ABCG2: variants seen among roughly 807,000 people sequenced by gnomAD.
ABCG2 encodes the protein ATP binding cassette subfamily G member 2 (JR blood group), also known as broad substrate specificity ATP-binding cassette transporter ABCG2.
Under a neutral mutation model 73.5 loss-of-function variants are expected in ABCG2, and 80 were observed. That is an observed-to-expected ratio of 1.09 (90% confidence interval 0.91 to 1.31). The LOEUF is 1.31. ABCG2 is among the 50% of genes most tolerant of loss of function. The probability of loss-of-function intolerance (pLI) is 0.00; values close to 1 mark genes in which losing one functional copy is unlikely to be tolerated. For missense variants in ABCG2, 796 were observed against 786.2 expected (o/e 1.01, Z -0.15); for synonymous variants, 269 against 282.4 (o/e 0.95, Z 0.48).
chr4:88,165,168 A>G (rs1216173738), intron 1 of ABCG2, among the ~76,000 whole-genome samples: 3 of 152,326 alleles, frequency 2.0e-5, no homozygotes, highest in East Asian at 3.9e-4. Flanking sequence ...TGCTGAGGGT[A>G]TGGGTGTGAA....
chr4:88,103,970 C>T (rs531068672), intron 10 of ABCG2, among the ~76,000 whole-genome samples: 1 of 152,310 alleles, frequency 6.6e-6, no homozygotes, highest in South Asian at 2.1e-4. Flanking sequence ...CGGGTGATTC[C>T]GTATCTTGGC....
rs191389789 is a variant in ABCG2 at position 88,139,932 on chromosome 4, C to T, written c.64G>A (p.Ala22Thr). The T allele has an allele frequency of 1.5e-5, 25 of 1,614,080 alleles. No individual in the cohort carries two copies. Among genetic ancestry groups the T allele is most frequent in the Admixed American group, 6.7e-5 (4 of 60,012 alleles). Residue 22 changes from alanine (A) to threonine (T), a missense_variant, in exon 2 of 16, where the codon GCG becomes ACG. By Grantham distance (58) the Ala-to-Thr change is moderately conservative (BLOSUM62 0). Coordinates refer to ENST00000237612, the MANE Select transcript of ABCG2 (RefSeq NM_004827.3). Reference sequence around the variant, plus strand: ...GCCTTCAGGTCATTGGAAGCTGTCGCGGGGAAGCCATTGGTGTTTCCTTGT... The same window carrying T: ...GCCTTCAGGTCATTGGAAGCTGTCGTGGGGAAGCCATTGGTGTTTCCTTGT... ...VSQGNTNGFP[A>T]TASNDLKAFT...
At chr4:88,223,300 A>G (rs1730080053) in intron 1 of ABCG2, among the ~76,000 whole-genome samples, 1 of 152,176 alleles carries the variant, frequency 6.6e-6, no homozygotes, top group African/African-American at 2.4e-5. Context: ...GAGGAATCAT[A>G]TGGTTTGGCT....
chr4:88,137,788 A>C (rs1322856843), intron 2 of ABCG2, among the ~76,000 whole-genome samples: 1 of 152,232 alleles, frequency 6.6e-6, no homozygotes, highest in Non-Finnish European at 1.5e-5. Flanking sequence ...GAAGAGACAA[A>C]GTGATGAGAA....
intron 1 of ABCG2, among the ~76,000 whole-genome samples, chr4:88,230,315 TTTTG>T (rs1730412149): frequency 4.7e-5 from 1 of 21,154 alleles, no homozygotes; most frequent in Non-Finnish European, 6.9e-5. Flanking sequence ...ATATTTTTTT[TTTTG>T]GCCACATATA....
chr4:88,110,367 A>G (rs11943824), intron 9 of ABCG2, among the ~76,000 whole-genome samples: 11,509 of 151,928 alleles, frequency 0.076, 831 homozygotes, highest in East Asian at 0.31. Flanking sequence ...ACATGGTGCG[A>G]CCCTGTCTAT....
intron 13 of ABCG2, 84 bp from the exon 14 acceptor site, chr4:88,095,693 C>G (rs151141886): frequency 9.3e-7 from 1 of 1,072,016 alleles, no homozygotes; most frequent in Non-Finnish European, 1.4e-6. Context: ...AAGTCCCTAC[C>G]ACTTTGTAAG....
chr4:88,214,027 G>T (rs1409939531), intron 1 of ABCG2, among the ~76,000 whole-genome samples: 1 of 110,068 alleles, frequency 9.1e-6, no homozygotes, highest in Non-Finnish European at 1.7e-5. Flanking sequence ...TCATTCTGTC[G>T]CCCAGGTTAG....
chr4:88,185,771 C>T (rs1337939525), intron 1 of ABCG2, among the ~76,000 whole-genome samples: 1 of 152,100 alleles, frequency 6.6e-6, no homozygotes, highest in East Asian at 1.9e-4. Flanking sequence ...TATCATTAAT[C>T]AGAGAAATGC....
At chr4:88,154,812 A>C (rs941123519) in intron 1 of ABCG2, among the ~76,000 whole-genome samples, 1 of 152,308 alleles carries the variant, frequency 6.6e-6, no homozygotes, top group Middle Eastern at 3.4e-3. Context: ...AGGTGTGAGG[A>C]AGAAAATAGA....
At chr4:88,113,806 C>T (rs1723322328) in intron 8 of ABCG2, among the ~76,000 whole-genome samples, 1 of 150,650 alleles carries the variant, frequency 6.6e-6, no homozygotes, top group Non-Finnish European at 1.5e-5. Flanking sequence ...ACTGAAAATA[C>T]AAAAAAAATT....
upstream of ABCG2, chr4:88,158,974 G>A (rs1348172120): frequency 1.7e-5 from 6 of 359,646 alleles, no homozygotes; most frequent in Admixed American, 2.1e-4. Context: ...GTGAGGCGTG[G>A]CCCCGACTGC....
intron 1 of ABCG2, among the ~76,000 whole-genome samples, chr4:88,172,358 G>C (rs1727789096): frequency 6.7e-6 from 1 of 150,286 alleles, no homozygotes; most frequent in Admixed American, 6.6e-5. Context: ...TTGGGAGGCG[G>C]AGCTGGGCGG....
upstream of ABCG2, chr4:88,163,703 TC>T: frequency 2.6e-6 from 1 of 385,016 alleles, no homozygotes; most frequent in South Asian, 2.1e-5. Context: ...AAGAAGTGTG[TC>T]CCTGGGGCAC....
chr4:88,156,485 C>T (rs1726955207), intron 1 of ABCG2, among the ~76,000 whole-genome samples: 1 of 151,234 alleles, frequency 6.6e-6, no homozygotes, highest in African/African-American at 2.4e-5. Context: ...ATTTGAGCAG[C>T]AAATTAAATA....
At chr4:88,130,715 A>G (rs1442710115) in intron 5 of ABCG2, among the ~76,000 whole-genome samples, 2 of 152,152 alleles carry the variant, frequency 1.3e-5, no homozygotes, top group East Asian at 3.9e-4. Context: ...GACTAAAAGG[A>G]GGAAGAGAAA....
chr4:88,116,950 C>T (rs1457619407), intron 7 of ABCG2, among the ~76,000 whole-genome samples: 2 of 152,040 alleles, frequency 1.3e-5, no homozygotes, highest in East Asian at 3.9e-4. Flanking sequence ...AATTTTGGCC[C>T]ATCTAAGTCA....
chr4:88,230,705 C>T (rs1338866411), intron 1 of ABCG2, among the ~76,000 whole-genome samples: 4 of 152,124 alleles, frequency 2.6e-5, no homozygotes, highest in African/African-American at 9.7e-5. Flanking sequence ...ATCCTGCCTA[C>T]AATGCCCAAC....
chr4:88,164,695 T>C (rs193195776), intron 1 of ABCG2, among the ~76,000 whole-genome samples: 17 of 152,338 alleles, frequency 1.1e-4, no homozygotes, highest in African/African-American at 3.8e-4. Context: ...GAGAACAGAC[T>C]AATACAGAAA....
Sources: gnomAD v4.1 joint callset for allele counts (sites outside exome capture counted in the v4.1 genomes callset) on GRCh38, gnomAD v4.1.1 for gene constraint, MANE v1.5 for transcripts, NCBI Gene and HGNC (gene_info 2026-07-23, HGNC 2026-07-21) for gene names.